CNTNAP5: variants seen among roughly 807,000 people sequenced by gnomAD.
The protein encoded by CNTNAP5 is contactin-associated protein-like 5.
A neutral mutation model predicts 150.2 loss-of-function variants in CNTNAP5; 72 were observed. That is an observed-to-expected ratio of 0.48 (90% CI 0.40 to 0.58). The LOEUF (loss-of-function observed/expected upper bound fraction) is 0.58, where lower values mean the gene tolerates loss of function less well. CNTNAP5 is among the 20% of genes least tolerant of loss of function. The pLI is 0.00. For missense variants in CNTNAP5, 1,636 were observed against 1,626.2 expected, an observed-to-expected ratio of 1.01 and a Z score of -0.10; for synonymous variants, 672 against 619.8, an observed-to-expected ratio of 1.08 and a Z score of -1.25.
intron 13 of CNTNAP5, among the ~76,000 whole-genome samples, chr2:124,658,904 C>G (rs1678515900): frequency 6.6e-6 from 1 of 152,174 alleles, no homozygotes; most frequent in Admixed American, 6.5e-5. Context: ...TGGCTAGATA[C>G]TAGACTTTCT....
intron 13 of CNTNAP5, among the ~76,000 whole-genome samples, chr2:124,676,067 T>C (rs541039780): frequency 1.1e-4 from 17 of 152,340 alleles, no homozygotes; most frequent in Middle Eastern, 6.8e-3. Context: ...AAAATATCTG[T>C]ATTCATTTTT....
Position 124,829,785 on chromosome 2 carries a change from C to T in CNTNAP5, c.3217+31465C>T, listed in dbSNP as rs577661555. ...AAAATAATACTGTGGATGATGAAAA[C>T]TTTGAATAGCCATGATTAAAATATG... is the stretch of plus-strand genomic sequence containing the variant. On this transcript the variant is annotated intron_variant, in intron 19 of 23. Coordinates refer to ENST00000682447, the MANE Select transcript of CNTNAP5 (RefSeq NM_001367498.1). Among the ~76,000 whole-genome samples, 16 of 151,762 alleles carry T rather than the reference C, an allele frequency of 1.1e-4. No homozygotes were observed. The East Asian group carries it at 3.1e-3, about 29-fold the overall frequency.
At chr2:124,710,547 C>T (rs995749036) in intron 13 of CNTNAP5, among the ~76,000 whole-genome samples, 2 of 152,194 alleles carry the variant, frequency 1.3e-5, no homozygotes, top group African/African-American at 4.8e-5. Flanking sequence ...GTCAATCCAC[C>T]ACTCCATCCA....
At chr2:124,613,772 A>G (rs1347950416) in intron 12 of CNTNAP5, among the ~76,000 whole-genome samples, 1 of 152,176 alleles carries the variant, frequency 6.6e-6, no homozygotes, top group Non-Finnish European at 1.5e-5. Context: ...AGTTCCCCAA[A>G]TGCTCAACCA....
intron 19 of CNTNAP5, among the ~76,000 whole-genome samples, chr2:124,808,871 G>A (rs527935585): frequency 1.3e-5 from 2 of 152,186 alleles, no homozygotes; most frequent in South Asian, 4.2e-4. Context: ...CTGAAGGCAA[G>A]GTGAAGATAC....
Position 124,169,088 on chromosome 2 carries a change from C to CTT in CNTNAP5, c.83-52608_83-52607dup, listed in dbSNP as rs559140120. Among the ~76,000 whole-genome samples, 217 of 149,898 alleles carry CTT rather than the reference C, an allele frequency of 1.4e-3. 1 individual carries two copies. Among genetic ancestry groups the CTT allele is most frequent in the African/African-American group, 4.8e-3 (197 of 40,930 alleles). On this transcript the variant is annotated intron_variant, in intron 1 of 23. Transcript: ENST00000682447. ...CATGTTTTGTTTCTTGATGCTGCTTCTTTTTTTTTTGTTCAATTCACAAAC... is the reference window on the plus strand; with the variant it reads ...CATGTTTTGTTTCTTGATGCTGCTTCTTTTTTTTTTTTGTTCAATTCACAAAC...
chr2:124,310,523 G>C (rs913838809), intron 3 of CNTNAP5, among the ~76,000 whole-genome samples: 2 of 151,478 alleles, frequency 1.3e-5, no homozygotes, highest in Admixed American at 1.3e-4. Context: ...CCCCTTTCCC[G>C]TGCCCAAGCC....
chr2:124,098,797 T>C (rs2104694010), intron 1 of CNTNAP5, among the ~76,000 whole-genome samples: 1 of 152,298 alleles, frequency 6.6e-6, no homozygotes, highest in South Asian at 2.1e-4. Context: ...TCAGTCTGAC[T>C]TTATGCCTCT....
At chr2:124,304,732 A>C (rs1688640564) in intron 3 of CNTNAP5, among the ~76,000 whole-genome samples, 1 of 152,158 alleles carries the variant, frequency 6.6e-6, no homozygotes, top group Non-Finnish European at 1.5e-5. Context: ...GCCATATACA[A>C]ATGGCCAGAG....
At chr2:124,230,782 C>G (rs1686596708) in intron 2 of CNTNAP5, among the ~76,000 whole-genome samples, 1 of 152,184 alleles carries the variant, frequency 6.6e-6, no homozygotes, top group Middle Eastern at 3.4e-3. Context: ...TCCACCTGCC[C>G]TGGCCTCCCA....
rs187267818 is a variant in CNTNAP5, at chr2:124,366,277, C to T, written c.382-51166C>T. 5.9e-5 allele frequency among the ~76,000 whole-genome samples: 9 copies of T among 152,294 alleles called. No individual in the cohort carries two copies. The East Asian group carries it at 1.5e-3, about 26-fold the overall frequency. Reference sequence around the variant, plus strand: ...ATAAAGCACATACCAGGGTACCCAGCACCTTATGAAGCACAAAATAACGGT... The same window carrying T: ...ATAAAGCACATACCAGGGTACCCAGTACCTTATGAAGCACAAAATAACGGT... On this transcript the variant is annotated intron_variant, in intron 3 of 23. Transcript: ENST00000682447.
rs147181864 is a variant in CNTNAP5, at chr2:124,129,764, A to G, written c.83-91941A>G. 4.0e-3 allele frequency among the ~76,000 whole-genome samples: 607 copies of G among 152,344 alleles called. 2 individuals are homozygous for G. Among genetic ancestry groups the G allele is most frequent in the African/African-American group, 0.014 (580 of 41,576 alleles). The stretch of plus-strand genomic sequence containing the variant: ...AAATCATGTTAAATAGTATTAAGAA[A>G]GCCTTAATTGAGGCTCCAAAATGAT... On this transcript the variant is annotated intron_variant, in intron 1 of 23. Transcript: ENST00000682447.
At chr2:124,625,618 G>C (rs1677705585) in intron 12 of CNTNAP5, among the ~76,000 whole-genome samples, 1 of 152,096 alleles carries the variant, frequency 6.6e-6, no homozygotes, top group Non-Finnish European at 1.5e-5. Context: ...CTCAGGCCAG[G>C]GCCTAGAATC....
intron 3 of CNTNAP5, among the ~76,000 whole-genome samples, chr2:124,362,863 T>C (rs1445994664): frequency 5.9e-5 from 9 of 152,204 alleles, no homozygotes; most frequent in African/African-American, 1.9e-4. Context: ...ACATTCTATT[T>C]TTTTGTTCAG....
intron 7 of CNTNAP5, among the ~76,000 whole-genome samples, chr2:124,497,350 G>A (rs1284965862): frequency 6.6e-6 from 1 of 152,174 alleles, no homozygotes; most frequent in Non-Finnish European, 1.5e-5. Context: ...CCATTTAACA[G>A]TGATGGTTCA....
chr2:124,467,731 C>G (rs562852895), intron 6 of CNTNAP5, among the ~76,000 whole-genome samples: 69 of 152,028 alleles, frequency 4.5e-4, no homozygotes, highest in African/African-American at 1.5e-3. Flanking sequence ...TTATAACTTC[C>G]AATTCTCAAC....
intron 1 of CNTNAP5, among the ~76,000 whole-genome samples, chr2:124,037,125 C>G (rs1213722826): frequency 6.6e-6 from 1 of 152,158 alleles, no homozygotes; most frequent in African/African-American, 2.4e-5. Flanking sequence ...CTATGTCAAC[C>G]AGTTCCTGTA....
At chr2:124,385,971 T>C (rs892032550) in intron 3 of CNTNAP5, among the ~76,000 whole-genome samples, 1 of 151,354 alleles carries the variant, frequency 6.6e-6, no homozygotes, top group Non-Finnish European at 1.5e-5. Flanking sequence ...ATCTCCATAA[T>C]GTTGAGCACG....
At chr2:124,869,795 G>T in intron 21 of CNTNAP5, 33 bp downstream of exon 21, 1 of 1,316,496 alleles carries the variant, frequency 7.6e-7, no homozygotes, top group East Asian at 2.3e-5. Context: ...TTTCCAGTGG[G>T]CTTTATTAAA....
Sources: allele counts gnomAD v4.1 joint callset (sites outside exome capture counted in the v4.1 genomes callset), GRCh38; gene constraint gnomAD v4.1.1; transcripts MANE v1.5; gene names NCBI Gene and HGNC (gene_info 2026-07-23, HGNC 2026-07-21).